Variants in CCL28 observed in about 807,000 individuals in gnomAD.
CCL28 encodes the protein C-C motif chemokine 28.
A neutral mutation model predicts 7.1 loss-of-function variants in CCL28; 4 were observed. The ratio of observed to expected loss-of-function variants is 0.56; its 90% CI spans 0.28 to 1.29. The LOEUF (loss-of-function observed/expected upper bound fraction) is 1.29, where lower values mean the gene tolerates loss of function less well. Ranked by LOEUF, CCL28 falls within the 50% of genes most tolerant of loss-of-function variation. CCL28 has a pLI of 0.11. For missense variants in CCL28, 151 were observed against 163.4 expected (o/e 0.92, Z 0.41); for synonymous variants, 55 against 57.8 (o/e 0.95, Z 0.22).
At chr5:43,377,218 C>T, downstream of CCL28, 1 of 152,510 alleles carries the variant, frequency 6.6e-6, no homozygotes, top group Non-Finnish European at 1.5e-5. Flanking sequence ...AGGCCAGGTG[C>T]AGTGGCTCAT....
chr5:43,394,634 T>C (rs191194024), intron 1 of CCL28, among the ~76,000 whole-genome samples: 1 of 152,328 alleles, frequency 6.6e-6, no homozygotes, highest in Admixed American at 6.5e-5. Flanking sequence ...GATTATTTAA[T>C]GTTGCTCTTG....
At chr5:43,396,198 G>T (rs1311109627) in intron 1 of CCL28, among the ~76,000 whole-genome samples, 3 of 152,126 alleles carry the variant, frequency 2.0e-5, no homozygotes, top group Non-Finnish European at 4.4e-5. Flanking sequence ...ACCAAATCGG[G>T]TAACTTTCTG....
chr5:43,360,170 A>T, the CCL28 span, among the ~76,000 whole-genome samples: 1 of 152,208 alleles, frequency 6.6e-6, no homozygotes, highest in South Asian at 2.1e-4. Flanking sequence ...AATCCTGCAC[A>T]AATGAAAACT....
At chr5:43,375,512 T>G (rs1480926423), downstream of CCL28, among the ~76,000 whole-genome samples, 2 of 129,062 alleles carry the variant, frequency 1.5e-5, no homozygotes, top group Admixed American at 1.6e-4. Context: ...AGAAAAGTCA[T>G]TGCCCACTTT....
At chr5:43,392,332 G>T (rs1344210681) in intron 1 of CCL28, among the ~76,000 whole-genome samples, 1 of 152,128 alleles carries the variant, frequency 6.6e-6, no homozygotes, top group African/African-American at 2.4e-5. Context: ...GACCAGGCTG[G>T]TCTTGAACTC....
intron 1 of CCL28, among the ~76,000 whole-genome samples, chr5:43,410,977 T>G (rs1297695837): frequency 6.6e-6 from 1 of 152,206 alleles, no homozygotes. Context: ...GCCCAGTACA[T>G]TGACGGACTA....
chr5:43,409,079 A>G (rs1741426478), intron 1 of CCL28, among the ~76,000 whole-genome samples: 1 of 151,906 alleles, frequency 6.6e-6, no homozygotes, highest in Admixed American at 6.6e-5. Flanking sequence ...GGAGTTCAAG[A>G]CCAGTCTGGG....
chr5:43,390,233 A>G (rs1446184252), intron 1 of CCL28, among the ~76,000 whole-genome samples: 2 of 152,344 alleles, frequency 1.3e-5, no homozygotes, highest in Admixed American at 1.3e-4. Context: ...TTGGTCAGGT[A>G]TATAATGGAA....
At chr5:43,403,182 T>A (rs185217812) in intron 1 of CCL28, among the ~76,000 whole-genome samples, 1 of 152,208 alleles carries the variant, frequency 6.6e-6, no homozygotes, top group East Asian at 1.9e-4. Flanking sequence ...CAGCATGGAG[T>A]TTGAGATCTG....
rs150440213 is a variant in CCL28 at position 43,395,551 on chromosome 5, C to G, written c.65-7075G>C. Among the ~76,000 whole-genome samples the G allele has an allele frequency of 3.9e-5, 6 of 152,080 alleles. No individual in the cohort carries two copies. In the East Asian group the frequency reaches 1.2e-3, roughly 29 times the overall value. Reference sequence around the variant, plus strand: ...AGATTAGCCAGGCGTTGTGGCCCACCTACTTGGGAGGCTAAGGCAGGGGGA... The same window carrying G: ...AGATTAGCCAGGCGTTGTGGCCCACGTACTTGGGAGGCTAAGGCAGGGGGA... On this transcript the variant is annotated intron_variant, in intron 1 of 2. Coordinates refer to ENST00000361115, the MANE Select transcript of CCL28 (RefSeq NM_148672.3).
chr5:43,395,348 G>C (rs1740754305), intron 1 of CCL28, among the ~76,000 whole-genome samples: 1 of 151,842 alleles, frequency 6.6e-6, no homozygotes, highest in East Asian at 1.9e-4. Context: ...TAAATTCTTA[G>C]TGTTTGAAGT....
chr5:43,385,189 G>A (rs570739779), intron 2 of CCL28, among the ~76,000 whole-genome samples: 66 of 152,278 alleles, frequency 4.3e-4, no homozygotes, highest in African/African-American at 1.5e-3. Context: ...GAGCCACCGC[G>A]CCCGGCCATG....
At chr5:43,408,479 G>A (rs1223076369) in intron 1 of CCL28, among the ~76,000 whole-genome samples, 1 of 152,200 alleles carries the variant, frequency 6.6e-6, no homozygotes, top group Non-Finnish European at 1.5e-5. Context: ...TCACACACCA[G>A]GGCCTGTCGT....
chr5:43,365,844 G>T, the CCL28 span, among the ~76,000 whole-genome samples: 9 of 152,128 alleles, frequency 5.9e-5, no homozygotes, highest in African/African-American at 1.9e-4. Context: ...TTTCTTGGAG[G>T]CTTTGTTCAT....
the CCL28 span, among the ~76,000 whole-genome samples, chr5:43,368,858 A>G: frequency 1.3e-5 from 2 of 152,088 alleles, no homozygotes. Flanking sequence ...AACCCGGTTG[A>G]TACCTTCAGA....
intron 1 of CCL28, among the ~76,000 whole-genome samples, chr5:43,402,587 C>T (rs1197831644): frequency 6.6e-6 from 1 of 152,184 alleles, no homozygotes; most frequent in Non-Finnish European, 1.5e-5. Flanking sequence ...GTCTACAGCT[C>T]CCAGCGTGAG....
chr5:43,397,889 C>T (rs1740877942), intron 1 of CCL28, among the ~76,000 whole-genome samples: 2 of 151,592 alleles, frequency 1.3e-5, no homozygotes, highest in South Asian at 4.2e-4. Context: ...AATCCTTTTT[C>T]TTTGCTTTTT....
the CCL28 span, among the ~76,000 whole-genome samples, chr5:43,362,597 G>T: frequency 5.3e-5 from 8 of 152,124 alleles, no homozygotes; most frequent in East Asian, 1.5e-3. Context: ...ATGCAAGATT[G>T]TTAAAACTAA....
chr5:43,358,348 A>G, the CCL28 span, among the ~76,000 whole-genome samples: 1 of 152,234 alleles, frequency 6.6e-6, no homozygotes, highest in Non-Finnish European at 1.5e-5. Flanking sequence ...AGGTCATAAA[A>G]AAGCAAAAAC....
Sources: gnomAD v4.1 joint callset for allele counts (sites outside exome capture counted in the v4.1 genomes callset) on GRCh38, gnomAD v4.1.1 for gene constraint, MANE v1.5 for transcripts, NCBI Gene and HGNC (gene_info 2026-07-23, HGNC 2026-07-21) for gene names.